Variants in CCSER1 observed in about 807,000 individuals in gnomAD.
CCSER1 encodes the protein serine-rich coiled-coil domain-containing protein 1.
Under a neutral mutation model 82.0 loss-of-function variants are expected in CCSER1, and 41 were observed. The observed-to-expected ratio is 0.50, with a 90% CI of 0.39 to 0.65. CCSER1 has a LOEUF of 0.65. Ranked by LOEUF, CCSER1 falls within the 30% of genes least tolerant of loss-of-function variation. The pLI is 0.00. For synonymous variants in CCSER1, 414 were observed against 383.9 expected (o/e 1.08, Z -0.92); for missense variants, 1,119 against 1,064.2 (o/e 1.05, Z -0.72).
chr4:91,131,126 G>T (rs1490497486), intron 10 of CCSER1, among the ~76,000 whole-genome samples: 2 of 151,676 alleles, frequency 1.3e-5, no homozygotes, highest in Admixed American at 1.3e-4. Context: ...TATTATTTTT[G>T]TTCTAAAAAA....
chr4:91,248,686 G>A (rs376980757), intron 10 of CCSER1, among the ~76,000 whole-genome samples: 1 of 151,952 alleles, frequency 6.6e-6, no homozygotes, highest in African/African-American at 2.4e-5. Flanking sequence ...AATGTAATGT[G>A]GTATCCTGGA....
chr4:91,485,111 C>T (rs1035740131), intron 10 of CCSER1, among the ~76,000 whole-genome samples: 2 of 151,916 alleles, frequency 1.3e-5, no homozygotes, highest in South Asian at 2.1e-4. Flanking sequence ...TTTCCTACTA[C>T]ATGGATAAAA....
At chr4:90,587,679 C>G (rs1490064405) in intron 5 of CCSER1, among the ~76,000 whole-genome samples, 1 of 152,124 alleles carries the variant, frequency 6.6e-6, no homozygotes, top group African/African-American at 2.4e-5. Context: ...TCCCTACAAC[C>G]TGTACTTTTA....
At chr4:91,244,841 G>A (rs1462911207) in intron 10 of CCSER1, among the ~76,000 whole-genome samples, 1 of 152,102 alleles carries the variant, frequency 6.6e-6, no homozygotes, top group East Asian at 1.9e-4. Flanking sequence ...CTTTAAGACA[G>A]ATAATTCAAA....
intron 5 of CCSER1, among the ~76,000 whole-genome samples, chr4:90,617,772 A>G (rs1171800071): frequency 2.0e-5 from 3 of 152,176 alleles, no homozygotes; most frequent in Admixed American, 2.0e-4. Context: ...TAGTTCAGCG[A>G]TGACATTCTG....
chr4:90,383,792 C>A (rs1002008516), intron 3 of CCSER1, among the ~76,000 whole-genome samples: 2 of 151,746 alleles, frequency 1.3e-5, no homozygotes, highest in African/African-American at 4.8e-5. Flanking sequence ...AGGACAGTGG[C>A]ACAATAATAG....
intron 10 of CCSER1, among the ~76,000 whole-genome samples, chr4:91,295,582 G>C (rs1238669586): frequency 6.6e-6 from 1 of 151,766 alleles, no homozygotes; most frequent in African/African-American, 2.4e-5. Context: ...ATTTTACAAA[G>C]ATCATGAACA....
chr4:91,558,099 T>G (rs1226945905), intron 10 of CCSER1, among the ~76,000 whole-genome samples: 3 of 77,312 alleles, frequency 3.9e-5, no homozygotes, highest in Admixed American at 2.3e-4. Flanking sequence ...TAATTACCTT[T>G]TAATAAAAAA....
chr4:90,970,597 T>A (rs987967259), intron 9 of CCSER1, among the ~76,000 whole-genome samples: 11 of 151,928 alleles, frequency 7.2e-5, no homozygotes, highest in African/African-American at 2.7e-4. Context: ...ATAGACCACA[T>A]GGGCTCGACA....
chr4:90,380,813 C>A (rs770394447), intron 3 of CCSER1, among the ~76,000 whole-genome samples: 49 of 152,194 alleles, frequency 3.2e-4, no homozygotes, highest in Non-Finnish European at 6.0e-4. Context: ...TAGGGACAGA[C>A]ATCTAATTAA....
chr4:90,309,698 C>T (rs946059266), intron 2 of CCSER1, 90 bp downstream of exon 2: 2 of 989,294 alleles, frequency 2.0e-6, no homozygotes, highest in Non-Finnish European at 2.8e-6. Context: ...TGAATGGAAA[C>T]CACATTTTTC....
At chr4:90,937,459 C>T (rs900822826) in intron 9 of CCSER1, among the ~76,000 whole-genome samples, 8 of 141,394 alleles carry the variant, frequency 5.7e-5, no homozygotes, top group African/African-American at 2.1e-4. Flanking sequence ...CAGCTTACGT[C>T]GTGTTGTATT....
chr4:91,227,554 G>GA (rs1738301932), intron 10 of CCSER1, among the ~76,000 whole-genome samples: 1 of 145,702 alleles, frequency 6.9e-6, no homozygotes, highest in African/African-American at 2.5e-5. Flanking sequence ...ACATGTACTG[G>GA]TTTTTTTTTT....
At chr4:91,548,522 A>AT (rs1012280001) in intron 10 of CCSER1, among the ~76,000 whole-genome samples, 6 of 147,900 alleles carry the variant, frequency 4.1e-5, no homozygotes, top group Non-Finnish European at 7.5e-5. Context: ...TTATTTTAAC[A>AT]TTTTTTTGCT....
chr4:91,472,074 C>T (rs1049284713), intron 10 of CCSER1, among the ~76,000 whole-genome samples: 1 of 151,856 alleles, frequency 6.6e-6, no homozygotes, highest in African/African-American at 2.4e-5. Flanking sequence ...TCACTTGGCA[C>T]ACATGAAAAG....
intron 10 of CCSER1, among the ~76,000 whole-genome samples, chr4:91,501,310 G>A (rs1246413711): frequency 6.6e-6 from 1 of 151,612 alleles, no homozygotes; most frequent in African/African-American, 2.4e-5. Context: ...TGTTGCTTAT[G>A]TTCACAACAT....
chr4:90,500,312 T>G (rs2153611376), intron 5 of CCSER1, among the ~76,000 whole-genome samples: 1 of 151,928 alleles, frequency 6.6e-6, no homozygotes, highest in African/African-American at 2.4e-5. Context: ...AAAATAAGAG[T>G]GAGAAAAGGT....
intron 10 of CCSER1, among the ~76,000 whole-genome samples, chr4:91,452,556 C>T (rs1339663114): frequency 1.3e-5 from 2 of 151,954 alleles, no homozygotes; most frequent in Non-Finnish European, 2.9e-5. Context: ...AGAACATTTC[C>T]AGAAATGATA....
intron 7 of CCSER1, among the ~76,000 whole-genome samples, chr4:90,739,119 G>A (rs1396544303): frequency 6.6e-6 from 1 of 152,222 alleles, no homozygotes; most frequent in African/African-American, 2.4e-5. Flanking sequence ...AAGGCAAGTG[G>A]CAAGTACTGC....
Sources: gnomAD v4.1 joint callset for allele counts (sites outside exome capture counted in the v4.1 genomes callset) on GRCh38, gnomAD v4.1.1 for gene constraint, MANE v1.5 for transcripts, NCBI Gene and HGNC (gene_info 2026-07-23, HGNC 2026-07-21) for gene names.